The following FAT3 variants were observed in gnomAD, a reference collection of about 807,000 sequenced individuals.
The protein encoded by FAT3 is protocadherin Fat 3.
FAT3 carries 95 observed loss-of-function variants against 310.2 expected under a neutral mutation model. The ratio of observed to expected loss-of-function variants is 0.31; its 90% confidence interval spans 0.26 to 0.36. The LOEUF is 0.36. Among genes scored for constraint, FAT3 ranks in the 10% least tolerant of loss-of-function variants. The pLI is 1.00. For missense variants in FAT3, 5,408 were observed against 5,715.6 expected (o/e 0.95, Z 1.74); for synonymous variants, 2,314 against 2,192.9 (o/e 1.06, Z -1.54).
chr11:92,890,099 G>T (rs777751599), intron 27 of FAT3, among the ~76,000 whole-genome samples: 1 of 152,148 alleles, frequency 6.6e-6, no homozygotes, highest in African/African-American at 2.4e-5. Flanking sequence ...TTGCCTGCAC[G>T]CCTTCCTGCC....
chr11:92,546,075 G>A (rs1430091125), intron 3 of FAT3, among the ~76,000 whole-genome samples: 1 of 152,160 alleles, frequency 6.6e-6, no homozygotes, highest in Non-Finnish European at 1.5e-5. Context: ...GAAGATAACA[G>A]ATTTTTGCTT....
chr11:92,795,632 C>T (rs191895989), intron 9 of FAT3, among the ~76,000 whole-genome samples: 1 of 152,068 alleles, frequency 6.6e-6, no homozygotes, highest in Admixed American at 6.5e-5. Context: ...TACTTGAGGC[C>T]AGGCACAGTG....
At chr11:92,723,849 C>T (rs1221663755) in intron 4 of FAT3, among the ~76,000 whole-genome samples, 1 of 152,126 alleles carries the variant, frequency 6.6e-6, no homozygotes, top group Non-Finnish European at 1.5e-5. Context: ...GATTCAAGTA[C>T]CTCCCACCAG....
At chr11:92,638,039 A>C (rs1565477628) in intron 3 of FAT3, among the ~76,000 whole-genome samples, 1 of 152,168 alleles carries the variant, frequency 6.6e-6, no homozygotes, top group Non-Finnish European at 1.5e-5. Context: ...TGTTTGGTGC[A>C]TACTCTGGGA....
rs780204781 is a variant in FAT3, at chr11:92,890,980, C to A, written c.13637C>A (p.Ser4546Tyr). 1.2e-6 allele frequency: 2 copies of A among 1,613,952 alleles called. No individual in the cohort carries two copies. The highest frequency in any genetic ancestry group is 8.5e-7 in the Non-Finnish European group (1 of 1,179,868). Residue 4546 changes from serine to tyrosine, a missense_variant, in exon 28 of 28, where the codon TCC becomes TAC. Physicochemically the swap from Ser to Tyr is moderately radical, Grantham distance 144 (BLOSUM62 -2). Coordinates refer to ENST00000525166, the MANE Select transcript of FAT3 (RefSeq NM_001367949.2). ...LSLHNSRGTSSSDVSANCGFD... is the reference protein window; with the variant it reads ...LSLHNSRGTSYSDVSANCGFD... Reference sequence around the variant, plus strand: ...TTGCACAATTCCAGAGGCACCTCATCCTCGGATGTGTCTGCCAACTGCGGC... The same window carrying A: ...TTGCACAATTCCAGAGGCACCTCATACTCGGATGTGTCTGCCAACTGCGGC...
At chr11:92,862,176 T>C (rs1949134946) in intron 21 of FAT3, among the ~76,000 whole-genome samples, 2 of 152,314 alleles carry the variant, frequency 1.3e-5, no homozygotes, top group South Asian at 4.2e-4. Flanking sequence ...AATATCATTA[T>C]GAGAAAGTCT....
At chr11:92,532,489 C>G (rs1166536089) in intron 3 of FAT3, among the ~76,000 whole-genome samples, 1 of 152,090 alleles carries the variant, frequency 6.6e-6, no homozygotes, top group African/African-American at 2.4e-5. Flanking sequence ...CCAAAGCTGC[C>G]TCTCACTTCC....
chr11:92,673,979 G>A (rs1158458096), intron 3 of FAT3, among the ~76,000 whole-genome samples: 3 of 151,920 alleles, frequency 2.0e-5, no homozygotes, highest in East Asian at 1.9e-4. Flanking sequence ...TCAGGAGTTC[G>A]AGACCAGCCT....
chr11:92,647,757 C>T (rs1942219250), intron 3 of FAT3, among the ~76,000 whole-genome samples: 1 of 152,056 alleles, frequency 6.6e-6, no homozygotes, highest in South Asian at 2.1e-4. Flanking sequence ...GTTTCTGGAT[C>T]TTAATACCTC....
chr11:92,480,258 CTG>C (rs1352678023), intron 2 of FAT3, among the ~76,000 whole-genome samples: 1 of 152,134 alleles, frequency 6.6e-6, no homozygotes, highest in Non-Finnish European at 1.5e-5. Context: ...GAGTGAGACT[CTG>C]TCTCAAAAAA....
Position 92,843,961 on chromosome 11 carries a change from G to C in FAT3, c.10594G>C (p.Val3532Leu). 1 of 1,608,518 alleles carries C rather than the reference G, an allele frequency of 6.2e-7. No homozygotes were observed. ...AAAGGATTCAGGCAAACCCCAGCAA[G>C]TTTCTCACACTTACATCCGCGTGCG... The part of the protein sequence containing the change: ...QAKDSGKPQQ[V>L]SHTYIRVRVI... Residue 3532 changes from valine (V) to leucine (L), a missense_variant, in exon 19 of 28, where the codon GTT becomes CTT. Val to Leu is a conservative substitution (Grantham distance 32). This residue lies in a region of FAT3 where 4,588 missense variants were observed against 4,809.8 expected (regional missense o/e 0.95). Coordinates refer to ENST00000525166, the MANE Select transcript of FAT3 (RefSeq NM_001367949.2).
intron 1 of FAT3, among the ~76,000 whole-genome samples, chr11:92,266,588 C>A (rs1027645763): frequency 1.3e-5 from 2 of 152,122 alleles, no homozygotes; most frequent in Non-Finnish European, 2.9e-5. Context: ...CTTTGAGAAA[C>A]ACACGTCCCT....
chr11:92,516,861 C>A (rs1591390597), intron 2 of FAT3, among the ~76,000 whole-genome samples: 1 of 152,032 alleles, frequency 6.6e-6, no homozygotes, highest in East Asian at 1.9e-4. Flanking sequence ...AAACAGAGAG[C>A]CAAATCATGA....
intron 1 of FAT3, among the ~76,000 whole-genome samples, chr11:92,304,651 T>C (rs368452508): frequency 6.6e-6 from 1 of 152,122 alleles, no homozygotes; most frequent in Non-Finnish European, 1.5e-5. Flanking sequence ...CTGTTCTAAC[T>C]GGAAGGGCAT....
chr11:92,749,555 T>C (rs902719921), intron 4 of FAT3, among the ~76,000 whole-genome samples: 1 of 152,216 alleles, frequency 6.6e-6, no homozygotes, highest in African/African-American at 2.4e-5. Flanking sequence ...AGTGACTCTA[T>C]GCTTTCCTGA....
At chr11:92,509,287 G>A (rs1411331004) in intron 2 of FAT3, among the ~76,000 whole-genome samples, 2 of 152,028 alleles carry the variant, frequency 1.3e-5, no homozygotes, top group African/African-American at 4.8e-5. Flanking sequence ...AATCTTTCTG[G>A]AAGGCAATTT....
At chr11:92,489,363 A>G (rs1307399039) in intron 2 of FAT3, among the ~76,000 whole-genome samples, 1 of 152,040 alleles carries the variant, frequency 6.6e-6, no homozygotes, top group Non-Finnish European at 1.5e-5. Flanking sequence ...ATCATTATGC[A>G]TTTTTTCCAT....
intron 21 of FAT3, among the ~76,000 whole-genome samples, chr11:92,860,175 A>G (rs1001450208): frequency 6.6e-6 from 1 of 152,196 alleles, no homozygotes; most frequent in Non-Finnish European, 1.5e-5. Flanking sequence ...AGCAAACAAG[A>G]TAACAGCTTT....
At chr11:92,567,199 C>T (rs1179469387) in intron 3 of FAT3, among the ~76,000 whole-genome samples, 1 of 39,634 alleles carries the variant, frequency 2.5e-5, no homozygotes, top group Non-Finnish European at 7.1e-5. Flanking sequence ...AAGAAAAAAA[C>T]AAAACCCCAT....
Sources: allele counts gnomAD v4.1 joint callset (sites outside exome capture counted in the v4.1 genomes callset), GRCh38; gene constraint gnomAD v4.1.1; regional missense constraint gnomAD v4.1.1; transcripts MANE v1.5; gene names NCBI Gene and HGNC (gene_info 2026-07-23, HGNC 2026-07-21).